Variants in B3GALT1 observed in about 807,000 individuals in gnomAD.
B3GALT1 encodes UDP-Gal:betaGlcNAc beta 1,3-galactosyltransferase, polypeptide 1.
Under a neutral mutation model 23.2 loss-of-function variants are expected in B3GALT1, and 10 were observed. That is an observed-to-expected ratio of 0.43 (90% CI 0.27 to 0.73). The LOEUF (loss-of-function observed/expected upper bound fraction) is 0.73, where lower values mean the gene tolerates loss of function less well. Ranked by LOEUF, B3GALT1 falls within the 30% of genes least tolerant of loss-of-function variation. The probability of loss-of-function intolerance (pLI) is 0.21; values close to 1 mark genes in which losing one functional copy is unlikely to be tolerated. For missense variants in B3GALT1, 299 were observed against 405.4 expected (o/e 0.74, Z 2.25); for synonymous variants, 156 against 141.5 (o/e 1.10, Z -0.73).
At chr2:167,532,179 A>G (rs1183892309) in intron 2 of B3GALT1, among the ~76,000 whole-genome samples, 1 of 152,080 alleles carries the variant, frequency 6.6e-6, no homozygotes, top group Non-Finnish European at 1.5e-5. Flanking sequence ...TAATATTTTA[A>G]TTTGTCTATT....
At chr2:167,331,399 G>A (rs114774758) in intron 1 of B3GALT1, among the ~76,000 whole-genome samples, 5,207 of 152,250 alleles carry the variant, frequency 0.034, 245 homozygotes, top group African/African-American at 0.11. Context: ...AAGTCCTTGG[G>A]CAGTGGTCAT....
At chr2:167,695,211 C>A (rs764351475) in intron 3 of B3GALT1, among the ~76,000 whole-genome samples, 3 of 152,138 alleles carry the variant, frequency 2.0e-5, no homozygotes. Flanking sequence ...TCAGTTCACT[C>A]TGGGATGACA....
chr2:167,729,963 G>A (rs1418384547), intron 3 of B3GALT1, among the ~76,000 whole-genome samples: 1 of 152,140 alleles, frequency 6.6e-6, no homozygotes, highest in African/African-American at 2.4e-5. Context: ...GGGGGTGTGA[G>A]TTTGTGTGTG....
intron 1 of B3GALT1, among the ~76,000 whole-genome samples, chr2:167,348,072 TTTCCAAA>T (rs1697252470): frequency 1.3e-5 from 2 of 152,212 alleles, no homozygotes; most frequent in South Asian, 4.1e-4. Flanking sequence ...ATATTAGTCA[TTTCCAAA>T]TTATGGAACC....
At chr2:167,589,102 C>T (rs1684630026) in intron 2 of B3GALT1, among the ~76,000 whole-genome samples, 1 of 151,952 alleles carries the variant, frequency 6.6e-6, no homozygotes, top group African/African-American at 2.4e-5. Flanking sequence ...CCACCATGTC[C>T]AGCTATCTTT....
At chr2:167,548,685 A>AGTGTGTGTGTGTGTGTGTGTGAGAGT (rs1683687882) in intron 2 of B3GALT1, among the ~76,000 whole-genome samples, 4 of 144,812 alleles carry the variant, frequency 2.8e-5, no homozygotes, top group East Asian at 4.1e-4. Context: ...CGTGTGTGTG[A>AGTGTGTGTGTGTGTGTGTGTGAGAGT]GTGTGTGTGT....
chr2:167,674,312 G>T (rs1558945271), intron 3 of B3GALT1, among the ~76,000 whole-genome samples: 3 of 152,020 alleles, frequency 2.0e-5, no homozygotes, highest in Non-Finnish European at 4.4e-5. Context: ...GAAAAGCATG[G>T]TCTTTGTCTC....
intron 3 of B3GALT1, among the ~76,000 whole-genome samples, chr2:167,656,423 CT>C (rs1685957086): frequency 6.6e-6 from 1 of 152,062 alleles, no homozygotes; most frequent in Non-Finnish European, 1.5e-5. Context: ...TTTTCAGGAC[CT>C]TTTTTTCTTT....
At chr2:167,588,925 C>T (rs1048536542) in intron 2 of B3GALT1, among the ~76,000 whole-genome samples, 7 of 146,210 alleles carry the variant, frequency 4.8e-5, no homozygotes, top group South Asian at 2.2e-4. Flanking sequence ...TTCCCTCTCT[C>T]CCTCCCTCCC....
intron 4 of B3GALT1, among the ~76,000 whole-genome samples, chr2:167,842,854 C>G (rs1197127983): frequency 6.6e-6 from 1 of 152,164 alleles, no homozygotes; most frequent in African/African-American, 2.4e-5. Context: ...GCCTGCACAA[C>G]AGACCCTGAA....
At chr2:167,427,673 ACT>A (rs1698643934) in intron 1 of B3GALT1, among the ~76,000 whole-genome samples, 1 of 152,198 alleles carries the variant, frequency 6.6e-6, no homozygotes, top group African/African-American at 2.4e-5. Context: ...AATAGTGAGG[ACT>A]ACAGGCGGAC....
chr2:167,300,408 C>A (rs1200610153), intron 1 of B3GALT1, among the ~76,000 whole-genome samples: 1 of 152,138 alleles, frequency 6.6e-6, no homozygotes, highest in African/African-American at 2.4e-5. Context: ...TACAGACAAT[C>A]ACAGTTAAAT....
At chr2:167,502,614 G>A (rs1054664258) in intron 2 of B3GALT1, among the ~76,000 whole-genome samples, 1 of 152,102 alleles carries the variant, frequency 6.6e-6, no homozygotes, top group African/African-American at 2.4e-5. Context: ...AGCAAAGGGG[G>A]AAGTGCCACA....
intron 2 of B3GALT1, among the ~76,000 whole-genome samples, chr2:167,524,821 T>A (rs1683193547): frequency 6.6e-6 from 1 of 152,216 alleles, no homozygotes; most frequent in Admixed American, 6.5e-5. Flanking sequence ...GCACCTTGCC[T>A]TTGTTCTTCC....
chr2:167,863,680 T>G (rs935714837), intron 4 of B3GALT1, among the ~76,000 whole-genome samples: 1 of 152,222 alleles, frequency 6.6e-6, no homozygotes, highest in African/African-American at 2.4e-5. Context: ...GTTACATTAC[T>G]ATTTCTGGCC....
chr2:167,645,536 CT>C (rs200187154), intron 2 of B3GALT1, among the ~76,000 whole-genome samples: 277 of 147,496 alleles, frequency 1.9e-3, no homozygotes, highest in African/African-American at 6.1e-3. Flanking sequence ...TTGTTCTACC[CT>C]TGGCCACTGC....
At chr2:167,383,444 C>T (rs1697872695) in intron 1 of B3GALT1, among the ~76,000 whole-genome samples, 2 of 152,164 alleles carry the variant, frequency 1.3e-5, no homozygotes, top group South Asian at 4.1e-4. Context: ...GTCCAACTTT[C>T]ATCCTGGATA....
chr2:167,530,004 C>T (rs1683297206), intron 2 of B3GALT1, among the ~76,000 whole-genome samples: 1 of 152,084 alleles, frequency 6.6e-6, no homozygotes, highest in South Asian at 2.1e-4. Context: ...TTACAATGGC[C>T]AGTGAGACTC....
rs1690303490 is a variant in B3GALT1, at chr2:167,869,657, T to C, written c.618T>C (p.Tyr206=). The change falls in exon 5 of 5, where the codon TAT becomes TAC. Residue 206 remains tyrosine (Y), a synonymous_variant. Coordinates refer to ENST00000392690, the MANE Select transcript of B3GALT1 (RefSeq NM_020981.4). This position sits in a 1 kb window ranked among gnomAD's most constrained non-coding sequence, Gnocchi z 6.4. The part of the protein sequence containing the change: ...TKPRRRYFTG[Y]VINGGPIRDV... ...CACGAAGAAGGTATTTTACTGGCTA[T>C]GTCATTAATGGAGGACCGATTCGGG... 6.2e-7 allele frequency: 1 copy of C among 1,614,076 alleles called. No homozygotes were observed. The highest frequency in any genetic ancestry group is 1.7e-5 in the Admixed American group (1 of 59,998).
Sources: allele counts gnomAD v4.1 joint callset (sites outside exome capture counted in the v4.1 genomes callset), GRCh38; gene constraint gnomAD v4.1.1; non-coding constraint Gnocchi (gnomAD v3.1); transcripts MANE v1.5; gene names NCBI Gene and HGNC (gene_info 2026-07-23, HGNC 2026-07-21).